WDR7: variants seen among roughly 807,000 people sequenced by gnomAD.
WDR7 encodes WD repeat domain 7.
A neutral mutation model predicts 169.4 loss-of-function variants in WDR7; 46 were observed. The observed-to-expected ratio is 0.27, with a 90% CI of 0.21 to 0.35. WDR7 has a LOEUF of 0.35. Ranked by LOEUF, WDR7 falls within the 10% of genes least tolerant of loss-of-function variation. The probability of loss-of-function intolerance (pLI) is 1.00; values close to 1 mark genes in which losing one functional copy is unlikely to be tolerated. For missense variants in WDR7, 1,534 were observed against 1,859.3 expected (o/e 0.83, Z 3.22); for synonymous variants, 612 against 666.8 (o/e 0.92, Z 1.27).
At chr18:56,805,096 A>C (rs2044748702) in intron 19 of WDR7, among the ~76,000 whole-genome samples, 1 of 151,848 alleles carries the variant, frequency 6.6e-6, no homozygotes. Flanking sequence ...CTCTGGAAAC[A>C]CTCTCACAGG....
chr18:57,013,125 C>T (rs973687626), intron 26 of WDR7, among the ~76,000 whole-genome samples: 5 of 152,148 alleles, frequency 3.3e-5, no homozygotes, highest in Non-Finnish European at 4.4e-5. Flanking sequence ...AACTGTTCCT[C>T]CTCAGATCAT....
Position 56,933,082 on chromosome 18 carries a change from C to G in WDR7, c.3714-2706C>G, listed in dbSNP as rs142047839. On this transcript the variant is annotated intron_variant, in intron 22 of 27. Coordinates refer to ENST00000254442, the MANE Select transcript of WDR7 (RefSeq NM_015285.3). The stretch of plus-strand genomic sequence containing the variant: ...ACAGCTGGGGACAGACTGGACTTCT[C>G]TGGATTCTAGGAGGACACTGTAACT... 2.7e-4 allele frequency among the ~76,000 whole-genome samples: 41 copies of G among 152,304 alleles called. No homozygotes were observed. The South Asian group carries it at 4.8e-3, about 18-fold the overall frequency.
intron 2 of WDR7, among the ~76,000 whole-genome samples, chr18:56,678,464 C>T (rs1259136741): frequency 9.5e-6 from 1 of 105,068 alleles, no homozygotes; most frequent in African/African-American, 3.6e-5. Context: ...GTGTTCAAAG[C>T]TGTATCTGCT....
At chr18:56,679,799 A>G (rs1027494930) in intron 3 of WDR7, among the ~76,000 whole-genome samples, 1 of 152,168 alleles carries the variant, frequency 6.6e-6, no homozygotes, top group African/African-American at 2.4e-5. Context: ...GCTAGCATAA[A>G]TTTTGAAGAT....
At chr18:56,778,293 CATT>C (rs1239468066) in intron 17 of WDR7, among the ~76,000 whole-genome samples, 3 of 152,026 alleles carry the variant, frequency 2.0e-5, no homozygotes, top group Non-Finnish European at 2.9e-5. Context: ...AGGTTTTTGT[CATT>C]ATTTTAAGAA....
chr18:56,750,647 C>T (rs1019452083), intron 14 of WDR7, among the ~76,000 whole-genome samples: 91 of 152,176 alleles, frequency 6.0e-4, no homozygotes, highest in African/African-American at 2.1e-3. Context: ...TTTCTGGATC[C>T]GATAGTCCGT....
At chr18:56,945,371 A>G (rs1218375727) in intron 25 of WDR7, among the ~76,000 whole-genome samples, 1 of 152,220 alleles carries the variant, frequency 6.6e-6, no homozygotes, top group Non-Finnish European at 1.5e-5. Flanking sequence ...TCCTATGAAC[A>G]GTGTGACTGC....
chr18:56,837,893 C>T (rs902470952), intron 20 of WDR7, among the ~76,000 whole-genome samples: 3 of 152,146 alleles, frequency 2.0e-5, no homozygotes, highest in Non-Finnish European at 4.4e-5. Context: ...CTTCTGACTT[C>T]AGGTGAGCCA....
chr18:56,738,690 T>A (rs1049349102), intron 14 of WDR7, among the ~76,000 whole-genome samples: 5 of 152,004 alleles, frequency 3.3e-5, no homozygotes, highest in African/African-American at 9.7e-5. Context: ...CTGGCACTTA[T>A]AAGCTAAGAA....
chr18:56,880,854 C>T (rs1342872098), intron 21 of WDR7, among the ~76,000 whole-genome samples: 1 of 152,118 alleles, frequency 6.6e-6, no homozygotes, highest in East Asian at 1.9e-4. Context: ...TTAAAATAAG[C>T]TCTTTTGGTT....
intron 20 of WDR7, among the ~76,000 whole-genome samples, chr18:56,840,574 A>G (rs891994806): frequency 6.6e-6 from 1 of 152,146 alleles, no homozygotes; most frequent in African/African-American, 2.4e-5. Context: ...CAATACCAGC[A>G]TTTTGGGAGG....
intron 25 of WDR7, among the ~76,000 whole-genome samples, chr18:56,956,585 G>T (rs564653274): frequency 4.8e-4 from 73 of 152,172 alleles, no homozygotes; most frequent in African/African-American, 1.6e-3. Flanking sequence ...GTTGTCACTG[G>T]TACCTTCTTG....
intron 26 of WDR7, among the ~76,000 whole-genome samples, chr18:57,018,907 T>C (rs1175479318): frequency 6.6e-6 from 1 of 152,206 alleles, no homozygotes; most frequent in African/African-American, 2.4e-5. Context: ...ATTTAATTGG[T>C]GAAAGGCTTT....
At chr18:56,908,258 T>A (rs1206990725) in intron 21 of WDR7, among the ~76,000 whole-genome samples, 3 of 152,210 alleles carry the variant, frequency 2.0e-5, no homozygotes, top group African/African-American at 7.2e-5. Context: ...AACCAGTTTT[T>A]GGAATATTGG....
intron 19 of WDR7, among the ~76,000 whole-genome samples, chr18:56,792,842 A>C (rs2044515712): frequency 6.6e-6 from 1 of 152,112 alleles, no homozygotes; most frequent in Admixed American, 6.6e-5. Flanking sequence ...GAATTAGTAA[A>C]GAGTTAATAC....
intron 20 of WDR7, among the ~76,000 whole-genome samples, chr18:56,820,357 A>AC (rs1381787702): frequency 6.9e-6 from 1 of 145,932 alleles, no homozygotes; most frequent in Non-Finnish European, 1.5e-5. Context: ...AAAAAAAAAA[A>AC]AAAAAAACCA....
At chr18:56,823,995 G>A (rs2045152533) in intron 20 of WDR7, among the ~76,000 whole-genome samples, 1 of 152,140 alleles carries the variant, frequency 6.6e-6, no homozygotes, top group South Asian at 2.1e-4. Flanking sequence ...CTCATTAACA[G>A]CTACTTAATG....
At chr18:56,945,365 A>G (rs1347383582) in intron 25 of WDR7, among the ~76,000 whole-genome samples, 1 of 152,176 alleles carries the variant, frequency 6.6e-6, no homozygotes, top group East Asian at 1.9e-4. Flanking sequence ...AATCTATCCT[A>G]TGAACAGTGT....
intron 19 of WDR7, among the ~76,000 whole-genome samples, chr18:56,805,138 G>A: frequency 6.6e-6 from 1 of 152,022 alleles, no homozygotes; most frequent in South Asian, 2.1e-4. Flanking sequence ...GGTTGGGTTG[G>A]GTTCTAGATG....
Sources: gnomAD v4.1 joint callset for allele counts (sites outside exome capture counted in the v4.1 genomes callset) on GRCh38, gnomAD v4.1.1 for gene constraint, MANE v1.5 for transcripts, NCBI Gene and HGNC (gene_info 2026-07-23, HGNC 2026-07-21) for gene names.